Variants in DTNBP1 observed in about 807,000 individuals in gnomAD.
DTNBP1 encodes dysbindin.
A neutral mutation model predicts 42.8 loss-of-function variants in DTNBP1; 35 were observed. The ratio of observed to expected loss-of-function variants is 0.82; its 90% CI spans 0.63 to 1.09. The LOEUF is 1.09. Ranked by LOEUF, DTNBP1 falls within the 50% of genes least tolerant of loss-of-function variation. The probability of loss-of-function intolerance (pLI) is 0.00; values close to 1 mark genes in which losing one functional copy is unlikely to be tolerated. For synonymous variants in DTNBP1, 171 were observed against 162.2 expected (o/e 1.05, Z -0.41); for missense variants, 457 against 424.2 (o/e 1.08, Z -0.68).
intron 7 of DTNBP1, among the ~76,000 whole-genome samples, chr6:15,534,318 A>G (rs576899286): frequency 1.1e-4 from 16 of 152,342 alleles, no homozygotes; most frequent in Admixed American, 9.8e-4. Context: ...CTATGTACAC[A>G]TAAAATGGTA....
intron 7 of DTNBP1, among the ~76,000 whole-genome samples, chr6:15,572,726 C>T (rs545918481): frequency 6.6e-6 from 1 of 152,214 alleles, no homozygotes; most frequent in East Asian, 1.9e-4. Flanking sequence ...CTCTAGATTC[C>T]ATGTTCTTCT....
intron 8 of DTNBP1, among the ~76,000 whole-genome samples, chr6:15,528,952 A>G (rs192825243): frequency 1.6e-3 from 251 of 152,310 alleles, no homozygotes; most frequent in Middle Eastern, 6.8e-3. Flanking sequence ...AGCTGGTCTT[A>G]AAGCAACTCT....
In DTNBP1 at chr6:15,536,969, T is replaced by C. The variant is rs151253520; in HGVS notation, c.512-3574A>G. Among the ~76,000 whole-genome samples, 29 of 152,308 alleles carry C rather than the reference T, an allele frequency of 1.9e-4. No homozygotes were observed. The East Asian group carries it at 5.2e-3, about 27-fold the overall frequency. On this transcript the variant is annotated intron_variant, in intron 7 of 9. Transcript: ENST00000344537. Reference sequence around the variant, plus strand: ...GGATTTCAGACTTGCTTGGGGCCTGTAGACCCTTTGTTTTGGCCAATTTCT... The same window carrying C: ...GGATTTCAGACTTGCTTGGGGCCTGCAGACCCTTTGTTTTGGCCAATTTCT...
chr6:15,590,282 C>T (rs1776242783), intron 7 of DTNBP1, among the ~76,000 whole-genome samples: 1 of 151,510 alleles, frequency 6.6e-6, no homozygotes, highest in Admixed American at 6.6e-5. Flanking sequence ...TTACAAACAG[C>T]TCTTTCAGGT....
At chr6:15,525,919 G>C (rs1487398706) in intron 8 of DTNBP1, among the ~76,000 whole-genome samples, 1 of 152,032 alleles carries the variant, frequency 6.6e-6, no homozygotes, top group East Asian at 1.9e-4. Context: ...TTCCAAGCAA[G>C]ATCAAAGCAA....
chr6:15,599,887 A>G (rs1051657702), intron 6 of DTNBP1, among the ~76,000 whole-genome samples: 4 of 152,176 alleles, frequency 2.6e-5, no homozygotes, highest in African/African-American at 9.7e-5. Context: ...CAAAATTCTT[A>G]GTGGCTAGCC....
In DTNBP1 at chr6:15,663,023, A is replaced by G; in HGVS notation, c.-154T>C. On this transcript the variant is annotated 5_prime_UTR_variant, in exon 1 of 10. Coordinates refer to ENST00000344537, the MANE Select transcript of DTNBP1 (RefSeq NM_032122.5). ...GGTCTGGTCCTCGCCGCCGCGCCGC[A>G]ACCCCAGCCCCTTCCGCGTTCCCGC... The G allele has an allele frequency of 9.1e-7, 1 of 1,095,158 alleles. No homozygotes were observed. Among genetic ancestry groups the G allele is most frequent in the Non-Finnish European group, 1.3e-6 (1 of 773,484 alleles). 67.8% of individuals were successfully genotyped at this position (1,095,158 alleles called of 1,614,324 possible).
In DTNBP1 at chr6:15,578,950, G is replaced by C. The variant is rs574609555; in HGVS notation, c.511+14109C>G. ...GGAAACTCTTAGACACTGTTGGTCA[G>C]ACTGTAAATTATCTCAGTTGTTATG... On this transcript the variant is annotated intron_variant, in intron 7 of 9. Transcript: ENST00000344537. Among the ~76,000 whole-genome samples, 4 of 152,336 alleles carry C rather than the reference G, an allele frequency of 2.6e-5. No homozygotes were observed. The South Asian group carries it at 8.3e-4, about 32-fold the overall frequency.
intron 4 of DTNBP1, among the ~76,000 whole-genome samples, chr6:15,632,923 C>A (rs1214790648): frequency 6.6e-6 from 1 of 152,084 alleles, no homozygotes; most frequent in Non-Finnish European, 1.5e-5. Context: ...TATTCATAAG[C>A]CTTGCAAATA....
intron 7 of DTNBP1, among the ~76,000 whole-genome samples, chr6:15,585,133 T>C (rs1396564073): frequency 7.0e-6 from 1 of 143,372 alleles, no homozygotes; most frequent in Non-Finnish European, 1.5e-5. Flanking sequence ...TGAAGCATTA[T>C]GACATTTTTC....
intron 7 of DTNBP1, among the ~76,000 whole-genome samples, chr6:15,564,933 A>G (rs535139142): frequency 1.3e-5 from 2 of 152,226 alleles, no homozygotes; most frequent in African/African-American, 4.8e-5. Flanking sequence ...TAGGCAATAT[A>G]GTGAGACACC....
intron 7 of DTNBP1, chr6:15,579,842 T>C (rs2113567348): frequency 2.2e-6 from 1 of 455,356 alleles, no homozygotes; most frequent in Non-Finnish European, 4.4e-6. Flanking sequence ...GAATTTTGAA[T>C]GTTCTCAATG....
intron 7 of DTNBP1, among the ~76,000 whole-genome samples, chr6:15,572,766 C>T (rs191150822): frequency 6.6e-6 from 1 of 152,346 alleles, no homozygotes; most frequent in East Asian, 1.9e-4. Context: ...GAGTCTTGCT[C>T]TGTTGCCCAG....
chr6:15,562,603 G>C (rs942253442), intron 7 of DTNBP1, among the ~76,000 whole-genome samples: 4 of 152,146 alleles, frequency 2.6e-5, no homozygotes, highest in Non-Finnish European at 5.9e-5. Context: ...GCTGTGTCTA[G>C]GCTATTAAGA....
intron 7 of DTNBP1, among the ~76,000 whole-genome samples, chr6:15,588,516 A>AAAAAAAC (rs961144886): frequency 6.6e-6 from 1 of 151,622 alleles, no homozygotes; most frequent in Non-Finnish European, 1.5e-5. Flanking sequence ...AGGATGACAT[A>AAAAAAAC]AAAAAACAAA....
intron 7 of DTNBP1, among the ~76,000 whole-genome samples, chr6:15,563,827 G>A (rs1475556864): frequency 6.6e-6 from 1 of 152,180 alleles, no homozygotes; most frequent in African/African-American, 2.4e-5. Context: ...AGAGGCTGAG[G>A]CTGGGCCGAG....
At chr6:15,545,872 CT>C (rs1370576006) in intron 7 of DTNBP1, among the ~76,000 whole-genome samples, 1 of 152,032 alleles carries the variant, frequency 6.6e-6, no homozygotes, top group East Asian at 1.9e-4. Context: ...AGACAGAATG[CT>C]CAACAATACC....
chr6:15,643,011 G>A (rs899729396), intron 3 of DTNBP1, among the ~76,000 whole-genome samples: 1 of 152,108 alleles, frequency 6.6e-6, no homozygotes, highest in African/African-American at 2.4e-5. Context: ...AATACGTATT[G>A]CAACTAAACT....
intron 1 of DTNBP1, among the ~76,000 whole-genome samples, chr6:15,660,987 G>A (rs903342065): frequency 3.3e-5 from 5 of 152,116 alleles, no homozygotes; most frequent in African/African-American, 1.2e-4. Context: ...TTACTAAATA[G>A]GGAGAACAAA....
Sources: allele counts gnomAD v4.1 joint callset (sites outside exome capture counted in the v4.1 genomes callset), GRCh38; gene constraint gnomAD v4.1.1; transcripts MANE v1.5; gene names NCBI Gene and HGNC (gene_info 2026-07-23, HGNC 2026-07-21).